DST: variants seen among roughly 807,000 people sequenced by gnomAD.
The protein encoded by DST is dystonin.
DST carries 253 observed loss-of-function variants against 875.2 expected under a neutral mutation model. The ratio of observed to expected loss-of-function variants is 0.29; its 90% CI spans 0.26 to 0.32. The LOEUF is 0.32. Among genes scored for constraint, DST ranks in the 10% least tolerant of loss-of-function variants. DST has a pLI of 1.00. For missense variants in DST, 8,287 were observed against 9,111.6 expected (o/e 0.91, Z 3.68); for synonymous variants, 3,124 against 3,197.1 (o/e 0.98, Z 0.77).
chr6:56,606,999 C>A lies in DST; in HGVS notation c.7629G>T (p.Gln2543His). 6.2e-7 allele frequency: 1 copy of A among 1,613,488 alleles called. No homozygotes were observed. Among genetic ancestry groups the A allele is most frequent in the Non-Finnish European group, 8.5e-7 (1 of 1,179,602 alleles). ...EDEKTHPGFQ[Q>H]MPEDKEDESE... ...ACTCATCTTCCTTGTCTTCAGGCATCTGCTGAAAACCTGGATGTGTTTTTT... is the reference window on the plus strand; with the variant it reads ...ACTCATCTTCCTTGTCTTCAGGCATATGCTGAAAACCTGGATGTGTTTTTT... The change falls in exon 40 of 104, where the codon CAG becomes CAT. Residue 2543 changes from glutamine (Q) to histidine (H), a missense_variant. Transcript: ENST00000680361.
intron 13 of DST, among the ~76,000 whole-genome samples, chr6:56,647,339 T>TTAAAAAG (rs2152791571): frequency 6.6e-6 from 1 of 152,288 alleles, no homozygotes; most frequent in East Asian, 1.9e-4. Flanking sequence ...CACAAACAGC[T>TTAAAAAG]TGAGAACACT....
chr6:56,850,143 C>G (rs558807293), intron 4 of DST, among the ~76,000 whole-genome samples: 1 of 152,202 alleles, frequency 6.6e-6, no homozygotes, highest in South Asian at 2.1e-4. Context: ...TCCCCTTTCT[C>G]ACTCCACCCC....
Position 56,573,721 on chromosome 6 carries a change from A to AG in DST, c.13193dup (p.Leu4399PhefsTer12). On this transcript the variant is annotated frameshift_variant, in exon 51 of 104. Transcript: ENST00000680361. LOFTEE classifies it high-confidence loss of function. ...TATCCTGAAGAGCAGTAGAGTTTAAAGGCACTTGACCTTGTTCTTTCAGAG... is the reference window on the plus strand; with the variant it reads ...TATCCTGAAGAGCAGTAGAGTTTAAAGGGCACTTGACCTTGTTCTTTCAGAG... 6.2e-7 allele frequency: 1 copy of AG among 1,613,666 alleles called. No homozygotes were observed. Among genetic ancestry groups the AG allele is most frequent in the South Asian group, 1.1e-5 (1 of 91,074 alleles).
At chr6:56,881,519 T>C (rs140778476) in intron 3 of DST, among the ~76,000 whole-genome samples, 95 of 152,188 alleles carry the variant, frequency 6.2e-4, no homozygotes, top group Non-Finnish European at 6.9e-4. Context: ...AAAATTAGAA[T>C]ATAAAACAAG....
Position 56,555,737 on chromosome 6 carries a change from C to T in DST, c.14744G>A (p.Gly4915Glu). The change falls in exon 60 of 104, where the codon GGG becomes GAG. Residue 4915 changes from glycine (G) to glutamate (E), a missense_variant. Physicochemically the swap from Gly to Glu is moderately conservative, Grantham distance 98. Coordinates refer to ENST00000680361, the MANE Select transcript of DST (RefSeq NM_001374736.1). ...SRPGEDPSLR[G>E]IVKEQLAAVT... ...AGCTGCCAGTTGCTCTTTCACAATC[C>T]CACGTAAAGAAGGGTCTTCTCCAGG... The T allele has an allele frequency of 6.2e-7, 1 of 1,607,608 alleles. No individual in the cohort carries two copies. The highest frequency in any genetic ancestry group is 8.5e-7 in the Non-Finnish European group (1 of 1,174,604).
At chr6:56,931,044 T>C (rs1809944186) in intron 2 of DST, among the ~76,000 whole-genome samples, 1 of 152,248 alleles carries the variant, frequency 6.6e-6, no homozygotes. Flanking sequence ...GTCAGTCATT[T>C]ATAGCCTGGC....
At chr6:56,875,219 C>T (rs1235641953) in intron 3 of DST, among the ~76,000 whole-genome samples, 3 of 152,090 alleles carry the variant, frequency 2.0e-5, no homozygotes, top group African/African-American at 4.8e-5. Context: ...CTCCTGGCCT[C>T]GTGATCCGCC....
chr6:56,482,789 T>G lies in DST; in HGVS notation c.21296A>C (p.Asp7099Ala). Residue 7099 changes from aspartate (D) to alanine (A), a missense_variant, in exon 89 of 104, where the codon GAC (aspartate) becomes GCC (alanine). Physicochemically the swap from Asp to Ala is moderately radical, Grantham distance 126. Transcript: ENST00000680361. Reference protein sequence around the residue: ...ARELIEGSRDDSSWVKVQMQE... With the variant: ...ARELIEGSRDASSWVKVQMQE... ...CATCTGGACCTTGACCCAGGAGGAG[T>G]CATCCCGACTGCCTTCTATGAGTTC... 6.2e-7 allele frequency: 1 copy of G among 1,613,210 alleles called. No individual in the cohort carries two copies. The highest frequency in any genetic ancestry group is 8.5e-7 in the Non-Finnish European group (1 of 1,179,602).
intron 3 of DST, among the ~76,000 whole-genome samples, chr6:56,860,534 C>T (rs1398509710): frequency 6.6e-6 from 1 of 152,170 alleles, no homozygotes; most frequent in Non-Finnish European, 1.5e-5. Flanking sequence ...AGCTGTATGA[C>T]TCATGTAAAT....
In DST at chr6:56,572,767, C is replaced by G; in HGVS notation, c.13534G>C (p.Glu4512Gln). The change falls in exon 52 of 104, where the codon GAA (glutamate) becomes CAA (glutamine). Residue 4512 changes from glutamate to glutamine, a missense_variant. Glu to Gln is a conservative substitution (Grantham distance 29). Around this residue, in one of 10 missense-constraint regions of DST, gnomAD observed 1,513 missense variants for 1,677.8 expected, o/e 0.90. Transcript: ENST00000680361. ...CATACCTGCATATACTGAGACAATT[C>G]AGTAACATCTTTTCCTGGCACATCT... ...EVDVPGKDVTELSQYMQESTS... is the reference protein window; with the variant it reads ...EVDVPGKDVTQLSQYMQESTS... 6.3e-7 allele frequency: 1 copy of G among 1,598,040 alleles called. No homozygotes were observed.
At chr6:56,664,618 C>T (rs962208923) in intron 10 of DST, among the ~76,000 whole-genome samples, 1 of 152,158 alleles carries the variant, frequency 6.6e-6, no homozygotes, top group Non-Finnish European at 1.5e-5. Flanking sequence ...TCTCCTTACA[C>T]ACCAGATGTT....
At chr6:56,743,267 C>CAA (rs151196241) in intron 4 of DST, among the ~76,000 whole-genome samples, 2 of 150,598 alleles carry the variant, frequency 1.3e-5, no homozygotes, top group African/African-American at 4.9e-5. Flanking sequence ...TAGTTAATTC[C>CAA]AAAAAACAAA....
chr6:56,499,042 GA>G (rs1322949532), intron 80 of DST, among the ~76,000 whole-genome samples: 1 of 152,148 alleles, frequency 6.6e-6, no homozygotes, highest in Non-Finnish European at 1.5e-5. Flanking sequence ...TTTACTGAAT[GA>G]GTATAGCCTT....
chr6:56,809,687 A>G (rs1209740555), intron 4 of DST, among the ~76,000 whole-genome samples: 1 of 152,174 alleles, frequency 6.6e-6, no homozygotes, highest in Non-Finnish European at 1.5e-5. Flanking sequence ...AGTAAACGTA[A>G]CCATTCATGA....
chr6:56,860,632 T>A (rs1013195594), intron 3 of DST, among the ~76,000 whole-genome samples: 2 of 152,222 alleles, frequency 1.3e-5, no homozygotes, highest in African/African-American at 4.8e-5. Flanking sequence ...CTCCCGTACC[T>A]ACCCTTGGTC....
intron 4 of DST, among the ~76,000 whole-genome samples, chr6:56,800,831 C>A (rs1027027111): frequency 6.6e-6 from 1 of 152,040 alleles, no homozygotes; most frequent in East Asian, 1.9e-4. Flanking sequence ...CCAGCCTGGG[C>A]AACATGGTGA....
At chr6:56,547,660 T>A (rs1460380106) in intron 61 of DST, among the ~76,000 whole-genome samples, 1 of 152,228 alleles carries the variant, frequency 6.6e-6, no homozygotes, top group East Asian at 1.9e-4. Context: ...TTTGGACAGT[T>A]TGATTTTCAA....
intron 69 of DST, 38 bp from the exon 70 acceptor site, chr6:56,517,658 G>T: frequency 6.3e-7 from 1 of 1,579,156 alleles, no homozygotes; most frequent in South Asian, 1.2e-5. Context: ...GCACGTTCCC[G>T]TTCCTGATGC....
At position 56,601,619 on chromosome 6, in the gene DST, C is replaced by T. The variant is rs1213385525; in HGVS notation, c.11365G>A (p.Val3789Met). The change falls in exon 44 of 104, where the codon GTG becomes ATG. Residue 3789 changes from valine (V) to methionine (M), a missense_variant. Physicochemically the swap from Val to Met is conservative, Grantham distance 21 (BLOSUM62 1). Around this residue, in one of 10 missense-constraint regions of DST, gnomAD observed 3,138 missense variants for 3,116.6 expected, o/e 1.01. Transcript: ENST00000680361. Reference sequence around the variant, plus strand: ...GCATATTCAGAAATGAAGAACTGCACATCAAAGGCAGTAGTCTCCAGCTGC... The same window carrying T: ...GCATATTCAGAAATGAAGAACTGCATATCAAAGGCAGTAGTCTCCAGCTGC... ...KMQLETTAFD[V>M]QFFISEYAQD... is the part of the protein sequence containing the mutation. 3.1e-6 allele frequency: 5 copies of T among 1,598,220 alleles called. No homozygotes were observed. Among genetic ancestry groups the T allele is most frequent in the African/African-American group, 1.3e-5 (1 of 74,804 alleles).
Sources: gnomAD v4.1 joint callset for allele counts (sites outside exome capture counted in the v4.1 genomes callset) on GRCh38, gnomAD v4.1.1 for gene constraint, gnomAD v4.1.1 regional missense constraint, MANE v1.5 for transcripts, NCBI Gene and HGNC (gene_info 2026-07-23, HGNC 2026-07-21) for gene names.